ZFYVE21: variants seen among roughly 807,000 people sequenced by gnomAD.
The protein encoded by ZFYVE21 is zinc finger FYVE domain-containing protein 21.
ZFYVE21 carries 21 observed loss-of-function variants against 29.5 expected under a neutral mutation model. That is an observed-to-expected ratio of 0.71 (90% confidence interval 0.50 to 1.02). ZFYVE21 has a LOEUF of 1.02. Ranked by LOEUF, ZFYVE21 falls within the 50% of genes least tolerant of loss-of-function variation. The probability of loss-of-function intolerance (pLI) is 0.00; values close to 1 mark genes in which losing one functional copy is unlikely to be tolerated. For missense variants in ZFYVE21, 326 were observed against 335.4 expected, an observed-to-expected ratio of 0.97 and a Z score of 0.22; for synonymous variants, 151 against 133.8, an observed-to-expected ratio of 1.13 and a Z score of -0.89.
chr14:103,716,055 C>T lies in ZFYVE21; in HGVS notation c.138+76C>T. ...GCCCGGCCCCGCGGGCTTCCAGGCT[C>T]CCGCGACGACCCCTCCGCCTCCGGG... On this transcript the variant is annotated intron_variant, in intron 1 of 6. Coordinates refer to ENST00000311141, the MANE Select transcript of ZFYVE21 (RefSeq NM_024071.4). This position sits in a 1 kb window ranked among gnomAD's most constrained non-coding sequence, Gnocchi z 4.8. 8.7e-7 allele frequency: 1 copy of T among 1,151,616 alleles called. No individual in the cohort carries two copies. Among genetic ancestry groups the T allele is most frequent in the Non-Finnish European group, 1.1e-6 (1 of 933,652 alleles). The allele number at this position is 1,151,616 out of a possible 1,614,324, so 71.3% of individuals were successfully genotyped here.
chr14:103,718,332 G>T (rs759950186), intron 1 of ZFYVE21, among the ~76,000 whole-genome samples: 4 of 152,226 alleles, frequency 2.6e-5, no homozygotes, highest in Non-Finnish European at 2.9e-5. Flanking sequence ...GCCTGACCGG[G>T]CTGGTTTATC....
In ZFYVE21 at chr14:103,729,189, G is replaced by A. The variant is rs778847848; in HGVS notation, c.526+7G>A. ...GAAGGCTTCCCTCCTGGAGGTAAAT[G>A]CCAGCACGTCCTTTCCTAAGCCAGG... On this transcript the variant is annotated splice_region_variant and intron_variant, in intron 5 of 6. Coordinates refer to ENST00000311141, the MANE Select transcript of ZFYVE21 (RefSeq NM_024071.4). 22 of 1,614,010 alleles carry A rather than the reference G, an allele frequency of 1.4e-5. No homozygotes were observed. The South Asian group carries it at 2.3e-4, about 17-fold the overall frequency.
Position 103,726,843 on chromosome 14 carries a change from G to T in ZFYVE21, c.189+1G>T, listed in dbSNP as rs1417919582. ...CAAGTTTGACTTTCTCACCAGAAAG[G>T]TGAGCTGAGGCCGCTGAGTGGGGGT... On this transcript the variant is annotated splice_donor_variant, in intron 2 of 6. Coordinates refer to ENST00000311141, the MANE Select transcript of ZFYVE21 (RefSeq NM_024071.4). LOFTEE classifies it high-confidence loss of function. The T allele has an allele frequency of 1.2e-6, 2 of 1,613,888 alleles. No individual in the cohort carries two copies. Among genetic ancestry groups the T allele is most frequent in the East Asian group, 2.2e-5 (1 of 44,894 alleles).
At chr14:103,728,160 A>G in intron 3 of ZFYVE21, 1 of 430,580 alleles carries the variant, frequency 2.3e-6, no homozygotes, top group Non-Finnish European at 4.1e-6. Context: ...GTGGGAGGGG[A>G]GGCCCTGGGC....
At chr14:103,728,814 T>A (rs2151952745) in intron 3 of ZFYVE21, 94 bp from the exon 4 acceptor site, 1 of 1,225,152 alleles carries the variant, frequency 8.2e-7, no homozygotes. Context: ...TTTTACTCTG[T>A]CCTCTGTGCG....
chr14:103,729,514 GAT>G (rs2083956288), intron 5 of ZFYVE21: 1 of 576,716 alleles, frequency 1.7e-6, no homozygotes, highest in Non-Finnish European at 3.1e-6. Context: ...CAATAACTGA[GAT>G]CCCCAAAAAG....
chr14:103,722,279 G>A (rs1347841663), intron 1 of ZFYVE21, among the ~76,000 whole-genome samples: 1 of 151,468 alleles, frequency 6.6e-6, no homozygotes, highest in African/African-American at 2.4e-5. Context: ...TAAGCTCCTT[G>A]GTTATTTTAT....
At chr14:103,720,547 C>T (rs934259305) in intron 1 of ZFYVE21, among the ~76,000 whole-genome samples, 3 of 152,158 alleles carry the variant, frequency 2.0e-5, no homozygotes, top group African/African-American at 4.8e-5. Context: ...CAGCCTGTGT[C>T]CTGAGACTTG....
chr14:103,728,904 C>A lies in ZFYVE21; in HGVS notation c.359-4C>A, dbSNP rs767789783. On this transcript the variant is annotated splice_polypyrimidine_tract_variant and splice_region_variant and intron_variant, in intron 3 of 6. Coordinates refer to ENST00000311141, the MANE Select transcript of ZFYVE21 (RefSeq NM_024071.4). ...GTTCTCACGTTTGCTTTTGTGTTCC[C>A]AAGGAGCCACCTTCCTCGTCACGTT... The A allele has an allele frequency of 1.2e-5, 19 of 1,613,988 alleles. No individual in the cohort carries two copies. The South Asian group carries it at 2.1e-4, about 18-fold the overall frequency.
chr14:103,721,790 G>A (rs35311561), intron 1 of ZFYVE21, among the ~76,000 whole-genome samples: 32,386 of 152,084 alleles, frequency 0.21, 4,426 homozygotes, highest in Non-Finnish European at 0.28. Context: ...CTCACTAAAC[G>A]TCTTGAGGCC....
At chr14:103,718,892 A>T (rs970653066) in intron 1 of ZFYVE21, among the ~76,000 whole-genome samples, 31 of 152,280 alleles carry the variant, frequency 2.0e-4, no homozygotes, top group Admixed American at 1.7e-3. Flanking sequence ...ACGAGCCTGG[A>T]CTCGGATGAG....
chr14:103,727,339 G>T (rs2083936957), intron 2 of ZFYVE21: 3 of 377,332 alleles, frequency 8.0e-6, no homozygotes, highest in Non-Finnish European at 1.5e-5. Context: ...GGTGCAGCTT[G>T]CGAGGCCTGT....
chr14:103,730,141 G>A (rs959274151), intron 5 of ZFYVE21: 33 of 387,878 alleles, frequency 8.5e-5, no homozygotes, highest in African/African-American at 6.0e-4. Context: ...GCCAGGGGGC[G>A]TGGGGGCTCA....
intron 5 of ZFYVE21, 161 bp from the exon 6 acceptor site, chr14:103,732,459 G>A (rs1202478774): frequency 2.9e-5 from 23 of 800,740 alleles, no homozygotes; most frequent in Non-Finnish European, 4.2e-5. Flanking sequence ...GAGGCCTGAG[G>A]AGATGGTGTT....
At chr14:103,721,664 C>T (rs2151951060) in intron 1 of ZFYVE21, among the ~76,000 whole-genome samples, 1 of 152,378 alleles carries the variant, frequency 6.6e-6, no homozygotes, top group Middle Eastern at 3.4e-3. Context: ...ATTAGGGGCA[C>T]TGCCCAAGCT....
intron 3 of ZFYVE21, 140 bp from the exon 4 acceptor site, chr14:103,728,768 G>T (rs916945757): frequency 1.3e-6 from 1 of 786,842 alleles, no homozygotes; most frequent in Non-Finnish European, 2.1e-6. Flanking sequence ...AGCTGAAGGG[G>T]TCCTTAGAAC....
In ZFYVE21 at chr14:103,726,907, G is replaced by A. The variant is rs372132634; in HGVS notation, c.189+65G>A. 39 of 1,562,826 alleles carry A rather than the reference G, an allele frequency of 2.5e-5. No homozygotes were observed. In the East Asian group the frequency reaches 7.0e-4, roughly 28 times the overall value. ...GAGGGGCCCCAACAGGACAGCTGCCGCTGCCCCTTCTGGCAGGGGACGGAT... is the reference window on the plus strand; with the variant it reads ...GAGGGGCCCCAACAGGACAGCTGCCACTGCCCCTTCTGGCAGGGGACGGAT... On this transcript the variant is annotated intron_variant, in intron 2 of 6. Coordinates refer to ENST00000311141, the MANE Select transcript of ZFYVE21 (RefSeq NM_024071.4).
At chr14:103,726,967 C>G in intron 2 of ZFYVE21, 125 bp downstream of exon 2, 2 of 449,788 alleles carry the variant, frequency 4.4e-6, no homozygotes, top group Non-Finnish European at 3.3e-6. Context: ...TTTTTTGAGA[C>G]GGAGTTTCGC....
Position 103,715,863 on chromosome 14 carries a change from C to G in ZFYVE21, c.22C>G (p.Arg8Gly). Reference protein sequence around the residue: MSSEVSARRDAKKLVRSP... With the variant: MSSEVSAGRDAKKLVRSP... ...CGTCATGTCCTCCGAGGTGTCCGCGCGCCGCGACGCCAAGAAGCTGGTGCG... is the reference window on the plus strand; with the variant it reads ...CGTCATGTCCTCCGAGGTGTCCGCGGGCCGCGACGCCAAGAAGCTGGTGCG... The change falls in exon 1 of 7, where the codon CGC (arginine) becomes GGC (glycine). Residue 8 changes from arginine to glycine, a missense_variant. Transcript: ENST00000311141. The G allele has an allele frequency of 7.0e-7, 1 of 1,425,480 alleles. No individual in the cohort carries two copies. Among genetic ancestry groups the G allele is most frequent in the Non-Finnish European group, 9.2e-7 (1 of 1,084,798 alleles). 88.3% of individuals were successfully genotyped at this position (1,425,480 alleles called of 1,614,324 possible). A position where few individuals can be genotyped will look rare whatever the true frequency, so the allele number is the denominator to read the frequency against.
Sources: allele counts gnomAD v4.1 joint callset (sites outside exome capture counted in the v4.1 genomes callset), GRCh38; gene constraint gnomAD v4.1.1; non-coding constraint Gnocchi (gnomAD v3.1); transcripts MANE v1.5; gene names NCBI Gene and HGNC (gene_info 2026-07-23, HGNC 2026-07-21).